The following MCTP1 variants were observed in gnomAD, a reference collection of about 807,000 sequenced individuals.
The protein encoded by MCTP1 is multiple C2 and transmembrane domain containing 1.
A neutral mutation model predicts 120.6 loss-of-function variants in MCTP1; 69 were observed. That is an observed-to-expected ratio of 0.57 (90% CI 0.47 to 0.70). The LOEUF (loss-of-function observed/expected upper bound fraction) is 0.70. MCTP1 is among the 30% of genes least tolerant of loss of function. MCTP1 has a pLI of 0.00. For synonymous variants in MCTP1, 529 were observed against 493.1 expected (o/e 1.07, Z -0.96); for missense variants, 1,203 against 1,248.8 (o/e 0.96, Z 0.55).
intron 2 of MCTP1, among the ~76,000 whole-genome samples, chr5:94,988,923 A>C (rs936712769): frequency 1.3e-5 from 2 of 152,064 alleles, no homozygotes; most frequent in African/African-American, 4.8e-5. Flanking sequence ...TCTTGCGAGA[A>C]CTAACTCATA....
chr5:95,203,139 C>T (rs1751255473), intron 1 of MCTP1, among the ~76,000 whole-genome samples: 1 of 152,196 alleles, frequency 6.6e-6, no homozygotes. Flanking sequence ...CTAACATTCA[C>T]CTGACTGAAC....
At chr5:94,878,736 G>C (rs1799443133) in intron 12 of MCTP1, among the ~76,000 whole-genome samples, 1 of 152,014 alleles carries the variant, frequency 6.6e-6, no homozygotes. Context: ...TGTGTCTGCT[G>C]TCTTCAAATT....
At chr5:94,952,008 C>G (rs892111329) in intron 3 of MCTP1, among the ~76,000 whole-genome samples, 1 of 151,730 alleles carries the variant, frequency 6.6e-6, no homozygotes, top group Non-Finnish European at 1.5e-5. Context: ...GCCATCTCTA[C>G]TAAAAATACA....
rs575651644 is a variant in MCTP1 at position 95,258,823 on chromosome 5, G to A, written c.720+25033C>T. On this transcript the variant is annotated intron_variant, in intron 1 of 22. Transcript: ENST00000515393. ...ACAATTAACCCCTGAGGAAATCTCT[G>A]TCCCAACAGAGGCTACATACAGAAC... is the stretch of plus-strand genomic sequence containing the variant. Among the ~76,000 whole-genome samples, 6 of 152,284 alleles carry A rather than the reference G, an allele frequency of 3.9e-5. No homozygotes were observed. In the South Asian group the frequency reaches 1.0e-3, roughly 26 times the overall value.
intron 1 of MCTP1, among the ~76,000 whole-genome samples, chr5:95,149,487 T>C (rs1472470436): frequency 3.2e-5 from 1 of 31,156 alleles, no homozygotes; most frequent in Admixed American, 4.7e-4. Context: ...AGAGCCACTG[T>C]GCTGGGAGCC....
Position 95,017,067 on chromosome 5 carries a change from C to A in MCTP1, c.838+300G>T, listed in dbSNP as rs188653095. On this transcript the variant is annotated intron_variant, in intron 2 of 22. Coordinates refer to ENST00000515393, the MANE Select transcript of MCTP1 (RefSeq NM_024717.7). ...GTTCTGACATGGCTTCAAATATATG[C>A]CTCACTTATGTAACCAATTATGTCA... 2.0e-5 allele frequency among the ~76,000 whole-genome samples: 3 copies of A among 152,016 alleles called. No homozygotes were observed. The East Asian group carries it at 5.8e-4, about 29-fold the overall frequency.
intron 2 of MCTP1, among the ~76,000 whole-genome samples, chr5:94,971,777 T>A (rs1826946094): frequency 6.6e-6 from 1 of 152,192 alleles, no homozygotes; most frequent in Admixed American, 6.6e-5. Context: ...AGCACCTGCC[T>A]TGGACTCTTA....
At chr5:95,271,345 A>G (rs969653324) in intron 1 of MCTP1, among the ~76,000 whole-genome samples, 1 of 152,186 alleles carries the variant, frequency 6.6e-6, no homozygotes, top group Non-Finnish European at 1.5e-5. Flanking sequence ...TCTCAGATCC[A>G]TTTGTTCCTA....
chr5:95,246,900 C>T (rs904672526), intron 1 of MCTP1, among the ~76,000 whole-genome samples: 2 of 152,104 alleles, frequency 1.3e-5, no homozygotes, highest in Non-Finnish European at 2.9e-5. Flanking sequence ...GTGATGACAG[C>T]CTCATAAAAT....
intron 1 of MCTP1, among the ~76,000 whole-genome samples, chr5:95,263,211 T>C (rs1301971479): frequency 1.3e-5 from 2 of 152,208 alleles, no homozygotes; most frequent in Non-Finnish European, 2.9e-5. Context: ...CCTAATGTAC[T>C]TCTAGCAGCT....
At chr5:94,870,279 C>A in intron 16 of MCTP1, 138 bp downstream of exon 16, 1 of 583,462 alleles carries the variant, frequency 1.7e-6, no homozygotes. Flanking sequence ...TGAAAGAAAG[C>A]GCCATTTTCA....
intron 1 of MCTP1, among the ~76,000 whole-genome samples, chr5:95,085,381 A>G (rs992321028): frequency 6.8e-6 from 1 of 146,864 alleles, no homozygotes; most frequent in Non-Finnish European, 1.5e-5. Flanking sequence ...TTATACAAAT[A>G]TAATAGTGTA....
chr5:94,927,164 G>A lies in MCTP1; in HGVS notation c.1213-3143C>T, dbSNP rs530244795. On this transcript the variant is annotated intron_variant, in intron 6 of 22. Transcript: ENST00000515393. ...AATTATGGCTCCATGTATTTTGTGGGGCTAATGAAATATCTACTGACATTA... is the reference window on the plus strand; with the variant it reads ...AATTATGGCTCCATGTATTTTGTGGAGCTAATGAAATATCTACTGACATTA... 2.0e-5 allele frequency among the ~76,000 whole-genome samples: 3 copies of A among 152,092 alleles called. No homozygotes were observed. In the East Asian group the frequency reaches 5.8e-4, roughly 29 times the overall value.
intron 19 of MCTP1, among the ~76,000 whole-genome samples, chr5:94,726,509 A>T (rs1403648240): frequency 6.6e-6 from 1 of 152,140 alleles, no homozygotes; most frequent in African/African-American, 2.4e-5. Flanking sequence ...AAAGATTCCG[A>T]TTCTTTTATT....
chr5:94,842,424 T>G (rs159600), intron 17 of MCTP1, among the ~76,000 whole-genome samples: 2 of 152,256 alleles, frequency 1.3e-5, no homozygotes, highest in South Asian at 4.1e-4. Context: ...CAAGCTCTTC[T>G]TTAAATGCTA....
At chr5:95,040,924 G>A (rs1049772897) in intron 1 of MCTP1, among the ~76,000 whole-genome samples, 1 of 152,040 alleles carries the variant, frequency 6.6e-6, no homozygotes, top group Non-Finnish European at 1.5e-5. Context: ...TTAAGAATGG[G>A]GTAATTTAGA....
At chr5:95,244,633 A>G (rs1385296712) in intron 1 of MCTP1, among the ~76,000 whole-genome samples, 1 of 152,216 alleles carries the variant, frequency 6.6e-6, no homozygotes, top group Admixed American at 6.5e-5. Flanking sequence ...GAGGAGGGAC[A>G]TCTGCCATTG....
chr5:95,125,055 T>C (rs1222450645), intron 1 of MCTP1, among the ~76,000 whole-genome samples: 2 of 152,248 alleles, frequency 1.3e-5, no homozygotes, highest in Admixed American at 1.3e-4. Context: ...AGCAAAACAT[T>C]TTAAGGGTCA....
intron 1 of MCTP1, among the ~76,000 whole-genome samples, chr5:95,069,707 T>TC (rs966857230): frequency 6.6e-6 from 1 of 151,068 alleles, no homozygotes; most frequent in African/African-American, 2.4e-5. Flanking sequence ...GCCCTTTTTT[T>TC]TTTTTTTTTG....
Sources: gnomAD v4.1 joint callset for allele counts (sites outside exome capture counted in the v4.1 genomes callset) on GRCh38, gnomAD v4.1.1 for gene constraint, MANE v1.5 for transcripts, NCBI Gene and HGNC (gene_info 2026-07-23, HGNC 2026-07-21) for gene names.